The following LRRC4B variants were observed in gnomAD, a reference collection of about 807,000 sequenced individuals.
The protein encoded by LRRC4B is leucine-rich repeat-containing protein 4B.
Under a neutral mutation model 7.3 loss-of-function variants are expected in LRRC4B, and 1 was observed. That is an observed-to-expected ratio of 0.14 (90% CI 0.05 to 0.65). The LOEUF is 0.65. LRRC4B is among the 30% of genes least tolerant of loss of function. The probability of loss-of-function intolerance (pLI) is 0.84; values close to 1 mark genes in which losing one functional copy is unlikely to be tolerated. For synonymous variants in LRRC4B, 500 were observed against 499.2 expected, an observed-to-expected ratio of 1.00 and a Z score of -0.02; for missense variants, 730 against 1,041.6, an observed-to-expected ratio of 0.70 and a Z score of 4.12.
Position 50,563,810 on chromosome 19 carries a change from C to G in LRRC4B, c.-36+4134G>C, listed in dbSNP as rs1232061980. On this transcript the variant is annotated intron_variant, in intron 1 of 2. Coordinates refer to ENST00000652263, the MANE Select transcript of LRRC4B (RefSeq NM_001080457.2). This position sits in a 1 kb window ranked among gnomAD's most constrained non-coding sequence, Gnocchi z 4.9. ...GGCAGTTTCACAGCAGATCCTGGTC[C>G]TGGAGAATGGGCGTGTGCTCTGCGT... Among the ~76,000 whole-genome samples the G allele has an allele frequency of 6.6e-6, 1 of 152,222 alleles. No individual in the cohort carries two copies. The highest frequency in any genetic ancestry group is 1.5e-5 in the Non-Finnish European group (1 of 68,044).
Position 50,537,774 on chromosome 19 carries a change from G to GA in LRRC4B, c.297+10767dup, listed in dbSNP as rs1182235007. On this transcript the variant is annotated intron_variant, in intron 2 of 2. Coordinates refer to ENST00000652263, the MANE Select transcript of LRRC4B (RefSeq NM_001080457.2). The surrounding 1 kb of genome is among the most constrained non-coding windows in gnomAD (Gnocchi z 5.5). ...ATCCTATTTGAAAAGGGTAGAAACT[G>GA]AGGCTCGGAGTGGTGACAAGGATTA... Among the ~76,000 whole-genome samples the GA allele has an allele frequency of 6.6e-6, 1 of 152,222 alleles. No homozygotes were observed. The highest frequency in any genetic ancestry group is 1.5e-5 in the Non-Finnish European group (1 of 68,034).
intron 2 of LRRC4B, among the ~76,000 whole-genome samples, chr19:50,530,902 A>G (rs1981026371): frequency 7.5e-6 from 1 of 133,662 alleles, no homozygotes; most frequent in Non-Finnish European, 1.6e-5. Flanking sequence ...ATGCACGATT[A>G]ATTTTTTGTA....
intron 2 of LRRC4B, among the ~76,000 whole-genome samples, chr19:50,523,295 AC>A (rs756522252): frequency 6.6e-6 from 1 of 152,244 alleles, no homozygotes; most frequent in Non-Finnish European, 1.5e-5. Flanking sequence ...TACAGTATTA[AC>A]GGAGGAAACT....
intron 2 of LRRC4B, among the ~76,000 whole-genome samples, chr19:50,536,633 A>C (rs1981301819): frequency 6.6e-6 from 1 of 152,120 alleles, no homozygotes; most frequent in Admixed American, 6.5e-5. Flanking sequence ...ATGCAGGGAG[A>C]AAGATGCACG....
intron 1 of LRRC4B, among the ~76,000 whole-genome samples, chr19:50,558,169 C>A (rs1479709185): frequency 6.6e-6 from 1 of 151,648 alleles, no homozygotes. Context: ...CACCCCTAGC[C>A]CCCAAGTTGG....
chr19:50,525,058 C>T (rs1980745705), intron 2 of LRRC4B, among the ~76,000 whole-genome samples: 1 of 152,256 alleles, frequency 6.6e-6, no homozygotes, highest in Non-Finnish European at 1.5e-5. Context: ...CGCTCGGCCA[C>T]CTCACACCCA....
chr19:50,560,919 G>A (rs554819774), intron 1 of LRRC4B, among the ~76,000 whole-genome samples: 12 of 152,018 alleles, frequency 7.9e-5, no homozygotes, highest in East Asian at 7.7e-4. Context: ...TGAAACCCCC[G>A]TCTCTACTAA....
chr19:50,559,421 G>A lies in LRRC4B; in HGVS notation c.-36+8523C>T, dbSNP rs567737615. ...TGCACTCCAACCTGGGCAACAGAGC[G>A]AGACTCTGTCTGAAAAAAAGGAAAG... On this transcript the variant is annotated intron_variant, in intron 1 of 2. Transcript: ENST00000652263. Among the ~76,000 whole-genome samples the A allele has an allele frequency of 3.9e-5, 6 of 152,288 alleles. No homozygotes were observed. The East Asian group carries it at 5.8e-4, about 15-fold the overall frequency.
At position 50,520,223 on chromosome 19, in the gene LRRC4B, AAAAAAAAAAAAAAAAAAAAAAAAAG is replaced by A. The variant is rs1980503371; in HGVS notation, c.298-833_298-809del. On this transcript the variant is annotated intron_variant, in intron 2 of 2. Transcript: ENST00000652263. Reference sequence around the variant, plus strand: ...CCTGTCAAAAAAAAAAAAAAAAAAAAAAAAAAAAAAAAAAAAAAAAAAAAGAAGAAAAGAAAAGAAAAATGAACAA... The same window carrying A: ...CCTGTCAAAAAAAAAAAAAAAAAAAAAAGAAAAGAAAAGAAAAATGAACAA... 4.4e-5 allele frequency among the ~76,000 whole-genome samples: 3 copies of A among 68,756 alleles called. 1 individual carries two copies. The highest frequency in any genetic ancestry group is 1.3e-4 in the African/African-American group (2 of 15,520). The allele number at this position is 68,756 out of a possible 152,430, so 45.1% of individuals were successfully genotyped here.
rs1199230972 is a variant in LRRC4B, at chr19:50,553,150, C to T, written c.-35-4277G>A. Among the ~76,000 whole-genome samples, 2 of 152,182 alleles carry T rather than the reference C, an allele frequency of 1.3e-5. No homozygotes were observed. Among genetic ancestry groups the T allele is most frequent in the Non-Finnish European group, 2.9e-5 (2 of 68,032 alleles). ...GAGGATCTTTCTCCCCACGCCCAGGCTACTTCCCTGACCTGGCTCCCATCT... is the reference window on the plus strand; with the variant it reads ...GAGGATCTTTCTCCCCACGCCCAGGTTACTTCCCTGACCTGGCTCCCATCT... On this transcript the variant is annotated intron_variant, in intron 1 of 2. Coordinates refer to ENST00000652263, the MANE Select transcript of LRRC4B (RefSeq NM_001080457.2). This position sits in a 1 kb window ranked among gnomAD's most constrained non-coding sequence, Gnocchi z 4.2.
Position 50,553,502 on chromosome 19 carries a change from T to C in LRRC4B, c.-35-4629A>G, listed in dbSNP as rs1463366996. On this transcript the variant is annotated intron_variant, in intron 1 of 2. Transcript: ENST00000652263. This position sits in a 1 kb window ranked among gnomAD's most constrained non-coding sequence, Gnocchi z 4.2. ...CACCTGCTCTTCCCTTTTCCTGGAA[T>C]GCTCTTTGCCGGTTGTCCACAGGGC... is the stretch of plus-strand genomic sequence containing the variant. 2.6e-5 allele frequency among the ~76,000 whole-genome samples: 4 copies of C among 152,194 alleles called. No homozygotes were observed. In the East Asian group the frequency reaches 7.7e-4, roughly 29 times the overall value.
chr19:50,520,024 C>T (rs1439916834), intron 2 of LRRC4B, among the ~76,000 whole-genome samples: 1 of 150,744 alleles, frequency 6.6e-6, no homozygotes, highest in Admixed American at 6.6e-5. Context: ...ACATAGACCC[C>T]ATCTCTACAA....
intron 2 of LRRC4B, among the ~76,000 whole-genome samples, chr19:50,525,001 T>C (rs1012069170): frequency 2.6e-5 from 4 of 152,350 alleles, no homozygotes; most frequent in African/African-American, 9.6e-5. Context: ...GCTTGCTCCA[T>C]GGCAGAGCTG....
Position 50,517,633 on chromosome 19 carries a change from T to C in LRRC4B, c.2080A>G (p.Ile694Val). 6.7e-7 allele frequency: 1 copy of C among 1,489,280 alleles called. No homozygotes were observed. The highest frequency in any genetic ancestry group is 1.4e-5 in the South Asian group (1 of 73,080). The allele number at this position is 1,489,280 out of a possible 1,614,324, so 92.3% of individuals were successfully genotyped here. The change falls in exon 3 of 3, where the codon ATC becomes GTC. Residue 694 changes from isoleucine to valine, a missense_variant. This residue lies in a region of LRRC4B where 160 missense variants were observed against 163.9 expected (regional missense o/e 0.98). Transcript: ENST00000652263. This position sits in a 1 kb window ranked among gnomAD's most constrained non-coding sequence, Gnocchi z 6.6. ...CTCTTGAAGAGCAGAGGTTCGTGGA[T>C]GGAGTTGAGGCCAGGCGGGCCTTTG... ...GGKGPPGLNS[I>V]HEPLLFKSGS... is the part of the protein sequence containing the mutation.
At chr19:50,546,748 C>CA (rs1229274429) in intron 2 of LRRC4B, among the ~76,000 whole-genome samples, 1 of 152,192 alleles carries the variant, frequency 6.6e-6, no homozygotes, top group Non-Finnish European at 1.5e-5. Context: ...CTCGCCCCCC[C>CA]ACAAAGAGAA....
chr19:50,521,211 C>T (rs910560691), intron 2 of LRRC4B, among the ~76,000 whole-genome samples: 7 of 152,048 alleles, frequency 4.6e-5, no homozygotes, highest in South Asian at 4.1e-4. Context: ...GCGGTGGATC[C>T]GTCCACACCA....
intron 1 of LRRC4B, among the ~76,000 whole-genome samples, chr19:50,549,535 C>T (rs2122896874): frequency 6.6e-6 from 1 of 152,374 alleles, no homozygotes; most frequent in South Asian, 2.1e-4. Context: ...CTGTCCAGGC[C>T]CTGTGGGGGC....
intron 2 of LRRC4B, among the ~76,000 whole-genome samples, chr19:50,527,453 C>G (rs375685475): frequency 6.7e-6 from 1 of 149,606 alleles, no homozygotes; most frequent in East Asian, 1.9e-4. Flanking sequence ...TCCCAAAGTG[C>G]TGGGATTACA....
Position 50,548,527 on chromosome 19 carries a change from G to A in LRRC4B, c.297+15C>T, listed in dbSNP as rs747433079. 1.6e-5 allele frequency: 25 copies of A among 1,582,342 alleles called. No homozygotes were observed. The highest frequency in any genetic ancestry group is 3.4e-5 in the South Asian group (3 of 88,124). ...TCCCCTCCAAGGTCCCCCTCTGCCCGCTGGCCCCGCATACCTGGATGCCGT... is the reference window on the plus strand; with the variant it reads ...TCCCCTCCAAGGTCCCCCTCTGCCCACTGGCCCCGCATACCTGGATGCCGT... On this transcript the variant is annotated intron_variant, in intron 2 of 2. Coordinates refer to ENST00000652263, the MANE Select transcript of LRRC4B (RefSeq NM_001080457.2). The surrounding 1 kb of genome is among the most constrained non-coding windows in gnomAD (Gnocchi z 6.8).
Sources: gnomAD v4.1 joint callset for allele counts (sites outside exome capture counted in the v4.1 genomes callset) on GRCh38, gnomAD v4.1.1 for gene constraint, gnomAD v4.1.1 regional missense constraint, Gnocchi (gnomAD v3.1) non-coding constraint, MANE v1.5 for transcripts, NCBI Gene and HGNC (gene_info 2026-07-23, HGNC 2026-07-21) for gene names.